Variants in DNPEP observed in about 807,000 individuals in gnomAD.
DNPEP encodes aspartyl aminopeptidase.
Under a neutral mutation model 59.1 loss-of-function variants are expected in DNPEP, and 46 were observed. The observed-to-expected ratio is 0.78, with a 90% CI of 0.61 to 0.99. The LOEUF is 0.99. Among genes scored for constraint, DNPEP ranks in the 50% least tolerant of loss-of-function variants. The pLI, the probability that DNPEP is intolerant of heterozygous loss-of-function variation, is 0.00. For missense variants in DNPEP, 617 were observed against 649.9 expected (o/e 0.95, Z 0.55); for synonymous variants, 229 against 242.2 (o/e 0.95, Z 0.50).
upstream of DNPEP, chr2:219,388,160 G>GCCCGC (rs1458418686): frequency 5.8e-6 from 1 of 171,544 alleles, no homozygotes; most frequent in Non-Finnish European, 1.1e-5. Flanking sequence ...GGGCTGCACC[G>GCCCGC]CCCGCCCCGC....
chr2:219,376,412 T>C (rs114849512), intron 13 of DNPEP, among the ~76,000 whole-genome samples: 3,923 of 150,570 alleles, frequency 0.026, 167 homozygotes, highest in African/African-American at 0.089. Flanking sequence ...CTCTTGCACC[T>C]GTGGGGAGGA....
Position 219,385,502 on chromosome 2 carries a change from G to C in DNPEP, c.696C>G (p.Ser232=). 4 of 1,604,878 alleles carry C rather than the reference G, an allele frequency of 2.5e-6. No individual in the cohort carries two copies. The highest frequency in any genetic ancestry group is 3.4e-6 in the Non-Finnish European group (4 of 1,172,426). ...VDERHHSVLM[S]LLCAHLGLSP... ...TCAGCCCCAGATGGGCACAGAGCAG[G>C]GACATGAGGACCGAATGGTGCCGCT... Residue 232 remains serine, a synonymous_variant, in exon 8 of 15, where the codon TCC becomes TCG. Coordinates refer to ENST00000273075, the MANE Select transcript of DNPEP (RefSeq NM_012100.4).
upstream of DNPEP, among the ~76,000 whole-genome samples, chr2:219,393,276 T>C (rs1436298022): frequency 6.6e-6 from 1 of 152,090 alleles, no homozygotes; most frequent in Non-Finnish European, 1.5e-5. Flanking sequence ...TGGACAAGCT[T>C]ACTTTTTTTT....
At chr2:219,398,371 C>T (rs755072299) in intron 1 of DNPEP, among the ~76,000 whole-genome samples, 15 of 152,306 alleles carry the variant, frequency 9.8e-5, no homozygotes, top group East Asian at 5.8e-4. Context: ...AACTTGGGGC[C>T]GGGCGCGTTG....
chr2:219,399,789 T>C lies in DNPEP; in HGVS notation c.-158+151A>G, dbSNP rs367935843. The C allele has an allele frequency of 1.4e-4, 165 of 1,212,934 alleles. 1 individual carries two copies. In the East Asian group the frequency reaches 3.7e-3, roughly 27 times the overall value. The allele number at this position is 1,212,934 out of a possible 1,614,324, so 75.1% of individuals were successfully genotyped here. A position where few individuals can be genotyped will look rare whatever the true frequency, so the allele number is the denominator to read the frequency against. ...TTTATCCCCATAATGCCTAAGCCAG[T>C]GCGTGGCTCATGGAAGGCTGGTGCC... On this transcript the variant is annotated intron_variant, in intron 1 of 6. Transcript: ENST00000434339.
chr2:219,392,022 G>A (rs1231270083), upstream of DNPEP, among the ~76,000 whole-genome samples: 1 of 152,100 alleles, frequency 6.6e-6, no homozygotes, highest in East Asian at 1.9e-4. Flanking sequence ...ATTTCTAGAT[G>A]TTATATAAAT....
intron 14 of DNPEP, among the ~76,000 whole-genome samples, 190 bp downstream of exon 14, chr2:219,374,665 A>G (rs1412281747): frequency 1.3e-5 from 2 of 152,020 alleles, no homozygotes; most frequent in Non-Finnish European, 2.9e-5. Context: ...CACCTCCCCA[A>G]GTGTTGTCAT....
At chr2:219,396,077 A>G (rs572401410) in intron 1 of DNPEP, among the ~76,000 whole-genome samples, 3 of 152,340 alleles carry the variant, frequency 2.0e-5, no homozygotes, top group South Asian at 2.1e-4. Context: ...CTGAGTGAAA[A>G]AAATGACAAA....
Position 219,373,253 on chromosome 2 carries a change from G to A in DNPEP, c.*1039C>T, listed in dbSNP as rs1953248344. Among the ~76,000 whole-genome samples, 1 of 151,408 alleles carries A rather than the reference G, an allele frequency of 6.6e-6. No homozygotes were observed. The highest frequency in any genetic ancestry group is 2.1e-4 in the South Asian group (1 of 4,798). On this transcript the variant is annotated 3_prime_UTR_variant, in exon 15 of 15. Coordinates refer to ENST00000273075, the MANE Select transcript of DNPEP (RefSeq NM_012100.4). Reference sequence around the variant, plus strand: ...CCGGCTAATTTTGTATTTTTAGCAGGGACAGGGTTTCTCCATGTTGGTCAG... The same window carrying A: ...CCGGCTAATTTTGTATTTTTAGCAGAGACAGGGTTTCTCCATGTTGGTCAG...
intron 13 of DNPEP, among the ~76,000 whole-genome samples, chr2:219,377,651 T>C (rs1379721167): frequency 6.6e-6 from 1 of 152,122 alleles, no homozygotes; most frequent in African/African-American, 2.4e-5. Flanking sequence ...GGGTTGGGAA[T>C]GGTGGCTCAT....
chr2:219,387,275 G>A lies in DNPEP; in HGVS notation c.37-112C>T, dbSNP rs1414622146. On this transcript the variant is annotated intron_variant, in intron 1 of 14. Coordinates refer to ENST00000273075, the MANE Select transcript of DNPEP (RefSeq NM_012100.4). ...CCAGAAGTGACCACTCTAAGGCACA[G>A]ACCTCTGCTTCCGCCCGTCCCCACC... 8 of 1,469,904 alleles carry A rather than the reference G, an allele frequency of 5.4e-6. No individual in the cohort carries two copies. The Admixed American group carries it at 1.8e-4, about 33-fold the overall frequency. The allele number at this position is 1,469,904 out of a possible 1,614,324, so 91.1% of individuals were successfully genotyped here.
At position 219,374,931 on chromosome 2, in the gene DNPEP, C is replaced by A; in HGVS notation, c.1331G>T (p.Ser444Ile). The change falls in exon 14 of 15, where the codon AGC becomes ATC. Residue 444 changes from serine (S) to isoleucine (I), a missense_variant. By Grantham distance (142) the Ser-to-Ile change is moderately radical. Transcript: ENST00000273075. ...RLGLRVLDLG[S>I]PQLAMHSIRE... ...GATAGAGTGCATGGCCAGTTGGGGG[C>A]TGCCTAAATCCAGCACCCGCAGCCC... 1 of 1,614,112 alleles carries A rather than the reference C, an allele frequency of 6.2e-7. No homozygotes were observed. The highest frequency in any genetic ancestry group is 8.5e-7 in the Non-Finnish European group (1 of 1,180,018).
chr2:219,381,432 G>C lies in DNPEP; in HGVS notation c.1142C>G (p.Pro381Arg), dbSNP rs1953593058. 1 of 1,614,230 alleles carries C rather than the reference G, an allele frequency of 6.2e-7. No homozygotes were observed. The highest frequency in any genetic ancestry group is 8.5e-7 in the Non-Finnish European group (1 of 1,180,040). The change falls in exon 13 of 15, where the codon CCC (proline) becomes CGC (arginine). Residue 381 changes from proline to arginine, a missense_variant. Transcript: ENST00000273075. ...ENHRPLFHKGPVIKVNSKQRY... is the reference protein window; with the variant it reads ...ENHRPLFHKGRVIKVNSKQRY... ...TTGCTTGCTGTTCACCTTGATCACG[G>C]GGCCCTGGGGAGAGTCAAGGTGAGG...
upstream of DNPEP, among the ~76,000 whole-genome samples, chr2:219,392,389 C>G (rs1235144100): frequency 6.6e-6 from 1 of 151,638 alleles, no homozygotes; most frequent in East Asian, 1.9e-4. Flanking sequence ...CTCTGTTGCC[C>G]AAGCTAGAGG....
intron 4 of DNPEP, 72 bp downstream of exon 4, chr2:219,386,593 C>T (rs1953847647): frequency 4.7e-6 from 7 of 1,484,060 alleles, no homozygotes; most frequent in Non-Finnish European, 5.5e-6. Context: ...CCAGTTTGTA[C>T]CTCCTAGTTC....
At position 219,374,424 on chromosome 2, in the gene DNPEP, T is replaced by C. The variant is rs890375440; in HGVS notation, c.1408-82A>G. Reference sequence around the variant, plus strand: ...CTGCCACCCACCTCCCACCAACATATGTTCCAGCAAGAGAAGCACCGAGGT... The same window carrying C: ...CTGCCACCCACCTCCCACCAACATACGTTCCAGCAAGAGAAGCACCGAGGT... On this transcript the variant is annotated intron_variant, in intron 14 of 14. Coordinates refer to ENST00000273075, the MANE Select transcript of DNPEP (RefSeq NM_012100.4). 118 of 1,312,586 alleles carry C rather than the reference T, an allele frequency of 9.0e-5. 1 individual carries two copies. The East Asian group carries it at 2.6e-3, about 29-fold the overall frequency. The allele number at this position is 1,312,586 out of a possible 1,614,324, so 81.3% of individuals were successfully genotyped here. A position where few individuals can be genotyped will look rare whatever the true frequency, so the allele number is the denominator to read the frequency against.
In DNPEP at chr2:219,385,486, G is replaced by T. The variant is rs566853393; in HGVS notation, c.712C>A (p.Leu238Met). ...ACTATGTCCTTGGGGCTCAGCCCCA[G>T]ATGGGCACAGAGCAGGGACATGAGG... ...SVLMSLLCAH[L>M]GLSPKDIVEM... The change falls in exon 8 of 15, where the codon CTG (leucine) becomes ATG (methionine). Residue 238 changes from leucine (L) to methionine (M), a missense_variant. Physicochemically the swap from Leu to Met is conservative, Grantham distance 15. Transcript: ENST00000273075. The T allele has an allele frequency of 6.2e-5, 100 of 1,608,004 alleles. 1 individual carries two copies. The South Asian group carries it at 1.0e-3, about 17-fold the overall frequency.
At chr2:219,385,894 G>C (rs1953793871) in intron 6 of DNPEP, 74 bp downstream of exon 6, 2 of 1,576,176 alleles carry the variant, frequency 1.3e-6, no homozygotes, top group Non-Finnish European at 1.7e-6. Flanking sequence ...TGACCTAATG[G>C]CTACCATTAG....
chr2:219,376,331 T>C (rs913541462), intron 13 of DNPEP, among the ~76,000 whole-genome samples: 1 of 151,594 alleles, frequency 6.6e-6, no homozygotes, highest in Non-Finnish European at 1.5e-5. Flanking sequence ...CTATTAAAAA[T>C]ACAAGAAACA....
Sources: allele counts gnomAD v4.1 joint callset (sites outside exome capture counted in the v4.1 genomes callset), GRCh38; gene constraint gnomAD v4.1.1; transcripts MANE v1.5; gene names NCBI Gene and HGNC (gene_info 2026-07-23, HGNC 2026-07-21).